The following DHRSX variants were observed in gnomAD, a reference collection of about 807,000 sequenced individuals.
DHRSX encodes polyprenol dehydrogenase.
A neutral mutation model predicts 34.0 loss-of-function variants in DHRSX; 31 were observed. The ratio of observed to expected loss-of-function variants is 0.91; its 90% CI spans 0.69 to 1.23. DHRSX has a LOEUF of 1.23. DHRSX is among the 50% of genes most tolerant of loss of function. The probability of loss-of-function intolerance (pLI) is 0.00; values close to 1 mark genes in which losing one functional copy is unlikely to be tolerated. For missense variants in DHRSX, 414 were observed against 428.1 expected, an observed-to-expected ratio of 0.97 and a Z score of 0.29; for synonymous variants, 201 against 183.8, an observed-to-expected ratio of 1.09 and a Z score of -0.76.
intron 1 of DHRSX, chrX:2,490,246 G>C (rs751965462): frequency 3.7e-6 from 6 of 1,613,800 alleles, no homozygotes; most frequent in Admixed American, 3.3e-5. Context: ...GCTCATACCG[G>C]GGGTCGGCCG....
At chrX:2,402,430 A>G (rs972230744) in intron 3 of DHRSX, among the ~76,000 whole-genome samples, 1 of 152,266 alleles carries the variant, frequency 6.6e-6, no homozygotes, top group Non-Finnish European at 1.5e-5. Context: ...GGATGCCTGT[A>G]GGAGCTGTGG....
At chrX:2,322,716 A>G (rs758440117) in intron 3 of DHRSX, among the ~76,000 whole-genome samples, 1 of 151,004 alleles carries the variant, frequency 6.6e-6, no homozygotes, top group Non-Finnish European at 1.5e-5. Flanking sequence ...TTTCTCTAGC[A>G]TACTTTAATA....
At chrX:2,334,473 A>T (rs777774032) in intron 3 of DHRSX, 2 of 152,018 alleles carry the variant, frequency 1.3e-5, no homozygotes, top group Admixed American at 1.3e-4. Flanking sequence ...TTTCTTTAAG[A>T]GATAAGGTCT....
At chrX:2,221,514 G>A (rs1195421244) in intron 6 of DHRSX, among the ~76,000 whole-genome samples, 2 of 152,268 alleles carry the variant, frequency 1.3e-5, no homozygotes, top group East Asian at 1.9e-4. Flanking sequence ...CCTGATGTAC[G>A]TATTTAATCA....
intron 4 of DHRSX, among the ~76,000 whole-genome samples, chrX:2,275,596 G>T (rs186568016): frequency 3.9e-4 from 59 of 151,020 alleles, no homozygotes; most frequent in African/African-American, 1.4e-3. Flanking sequence ...TCAGGTAACC[G>T]CCTCCCACAT....
intron 4 of DHRSX, among the ~76,000 whole-genome samples, chrX:2,276,133 C>T (rs144370023): frequency 0.023 from 3,557 of 152,306 alleles, 126 homozygotes; most frequent in African/African-American, 0.08. Flanking sequence ...TGGGCCATCG[C>T]GCCCGGCCTG....
intron 6 of DHRSX, among the ~76,000 whole-genome samples, chrX:2,234,894 A>G (rs1234375532): frequency 6.6e-6 from 1 of 152,088 alleles, no homozygotes; most frequent in Non-Finnish European, 1.5e-5. Context: ...TATTTTTAGT[A>G]GAGACGGGGT....
At chrX:2,378,851 T>A (rs2043171990) in intron 3 of DHRSX, among the ~76,000 whole-genome samples, 1 of 152,034 alleles carries the variant, frequency 6.6e-6, no homozygotes, top group African/African-American at 2.4e-5. Context: ...TTTGTATTTT[T>A]AGTACAGACG....
In DHRSX at chrX:2,393,664, G is replaced by A. The variant is rs867102218; in HGVS notation, c.286+15081C>T. Among the ~76,000 whole-genome samples, 529 of 124,908 alleles carry A rather than the reference G, an allele frequency of 4.2e-3. 15 individuals are homozygous for A. The highest frequency in any genetic ancestry group is 0.023 in the East Asian group (84 of 3,690). The allele number at this position is 124,908 out of a possible 152,430, so 81.9% of individuals were successfully genotyped here. The stretch of plus-strand genomic sequence containing the variant: ...ACACAGGGACCTCCCCGTCTCCTCC[G>A]CACACACGACACACAGGGACCTCCC... On this transcript the variant is annotated intron_variant, in intron 3 of 6. Coordinates refer to ENST00000334651, the MANE Select transcript of DHRSX (RefSeq NM_145177.3).
intron 1 of DHRSX, among the ~76,000 whole-genome samples, chrX:2,449,453 TG>T (rs1318102633): frequency 1.4e-4 from 22 of 152,206 alleles, no homozygotes; most frequent in Non-Finnish European, 3.1e-4. Context: ...TGGAACATTC[TG>T]GGGGACACTG....
intron 3 of DHRSX, among the ~76,000 whole-genome samples, chrX:2,372,111 G>C (rs2043079667): frequency 6.6e-6 from 1 of 152,108 alleles, no homozygotes; most frequent in Non-Finnish European, 1.5e-5. Flanking sequence ...TGAGGCTCGG[G>C]TTTCTTCTTT....
chrX:2,250,066 G>A lies in DHRSX; in HGVS notation c.597-6836C>T, dbSNP rs193205460. Reference sequence around the variant, plus strand: ...TAATCCCAGCTACTTGGGTGCTGAGGCAGGAGAATCGCTTGAACCCGGGAG... The same window carrying A: ...TAATCCCAGCTACTTGGGTGCTGAGACAGGAGAATCGCTTGAACCCGGGAG... On this transcript the variant is annotated intron_variant, in intron 5 of 6. Transcript: ENST00000334651. 1.6e-3 allele frequency among the ~76,000 whole-genome samples: 246 copies of A among 150,458 alleles called. 1 individual carries two copies. The highest frequency in any genetic ancestry group is 5.7e-3 in the African/African-American group (234 of 41,026).
intron 3 of DHRSX, among the ~76,000 whole-genome samples, chrX:2,339,532 C>T (rs1414251551): frequency 6.6e-6 from 1 of 152,056 alleles, no homozygotes; most frequent in East Asian, 1.9e-4. Flanking sequence ...TTTTATCCCT[C>T]GCTGCCCCCT....
chrX:2,335,409 G>A (rs1244300205), intron 3 of DHRSX, among the ~76,000 whole-genome samples: 1 of 151,686 alleles, frequency 6.6e-6, no homozygotes, highest in Non-Finnish European at 1.5e-5. Context: ...CCAGGTCATA[G>A]GTGGATAAGA....
chrX:2,466,557 C>T (rs2044499199), intron 1 of DHRSX, among the ~76,000 whole-genome samples: 1 of 152,174 alleles, frequency 6.6e-6, no homozygotes, highest in South Asian at 2.1e-4. Context: ...ATCACCTGTT[C>T]TCACTCATAA....
chrX:2,309,877 C>T (rs1260228639), intron 3 of DHRSX, among the ~76,000 whole-genome samples: 1 of 152,128 alleles, frequency 6.6e-6, no homozygotes, highest in Non-Finnish European at 1.5e-5. Flanking sequence ...TATGCCTCTG[C>T]ACCTCTGCAC....
chrX:2,275,269 A>G (rs2041610966), intron 4 of DHRSX, among the ~76,000 whole-genome samples: 1 of 151,480 alleles, frequency 6.6e-6, no homozygotes. Context: ...AGGCCGAGGC[A>G]GGCGGATGAC....
chrX:2,452,415 G>A (rs752299693), intron 1 of DHRSX, among the ~76,000 whole-genome samples: 11 of 150,450 alleles, frequency 7.3e-5, no homozygotes, highest in African/African-American at 2.4e-4. Context: ...GACTGCCACC[G>A]TGTACACATT....
chrX:2,324,999 C>T (rs1417046765), intron 3 of DHRSX, among the ~76,000 whole-genome samples: 12 of 150,700 alleles, frequency 8.0e-5, no homozygotes, highest in Admixed American at 7.3e-4. Context: ...TCGTCTCGAA[C>T]CCCTGACCTA....
Sources: gnomAD v4.1 joint callset for allele counts (sites outside exome capture counted in the v4.1 genomes callset) on GRCh38, gnomAD v4.1.1 for gene constraint, MANE v1.5 for transcripts, NCBI Gene and HGNC (gene_info 2026-07-23, HGNC 2026-07-21) for gene names.